EBF1: variants seen among roughly 807,000 people sequenced by gnomAD.
EBF1 encodes transcription factor COE1.
EBF1 carries 10 observed loss-of-function variants against 68.4 expected under a neutral mutation model. That is an observed-to-expected ratio of 0.15 (90% CI 0.09 to 0.25). The LOEUF (loss-of-function observed/expected upper bound fraction) is 0.25. Among genes scored for constraint, EBF1 ranks in the 10% least tolerant of loss-of-function variants. The pLI is 1.00. For missense variants in EBF1, 509 were observed against 794.4 expected, an observed-to-expected ratio of 0.64 and a Z score of 4.32; for synonymous variants, 298 against 299.8, an observed-to-expected ratio of 0.99 and a Z score of 0.06.
At chr5:158,719,484 A>C (rs1333585210) in intron 11 of EBF1, among the ~76,000 whole-genome samples, 2 of 152,210 alleles carry the variant, frequency 1.3e-5, no homozygotes, top group Admixed American at 1.3e-4. Flanking sequence ...ATGAGTTAAA[A>C]ATCTTAGGAT....
intron 6 of EBF1, among the ~76,000 whole-genome samples, chr5:158,946,510 C>T (rs961089804): frequency 1.3e-5 from 2 of 152,178 alleles, no homozygotes; most frequent in African/African-American, 4.8e-5. Flanking sequence ...GTATCACCAG[C>T]GGAGGCTGCA....
intron 6 of EBF1, among the ~76,000 whole-genome samples, chr5:159,001,181 A>C (rs1480157793): frequency 1.3e-5 from 2 of 152,212 alleles, no homozygotes; most frequent in African/African-American, 2.4e-5. Flanking sequence ...GTTTCAGAAC[A>C]TGGAGTTATT....
intron 6 of EBF1, among the ~76,000 whole-genome samples, chr5:158,853,543 G>A: frequency 6.6e-6 from 1 of 152,332 alleles, no homozygotes; most frequent in South Asian, 2.1e-4. Flanking sequence ...CACTGGAAAA[G>A]TGAGCTTTCA....
chr5:159,042,996 A>G (rs1317039033), intron 6 of EBF1, among the ~76,000 whole-genome samples: 1 of 152,190 alleles, frequency 6.6e-6, no homozygotes, highest in African/African-American at 2.4e-5. Flanking sequence ...CATAACTTAT[A>G]TTTTATCATA....
intron 6 of EBF1, among the ~76,000 whole-genome samples, chr5:159,007,997 T>C (rs1460311601): frequency 1.2e-4 from 18 of 152,212 alleles, no homozygotes; most frequent in Admixed American, 1.2e-3. Context: ...TGAACAATGA[T>C]CCATTTAATC....
intron 8 of EBF1, among the ~76,000 whole-genome samples, chr5:158,810,498 G>A (rs1325082975): frequency 6.6e-6 from 1 of 152,116 alleles, no homozygotes; most frequent in Non-Finnish European, 1.5e-5. Flanking sequence ...CAAGGACGAT[G>A]AAAGAAACTG....
intron 6 of EBF1, among the ~76,000 whole-genome samples, chr5:158,884,347 A>G (rs1291169311): frequency 1.3e-5 from 2 of 152,190 alleles, no homozygotes; most frequent in African/African-American, 4.8e-5. Flanking sequence ...TCTTTTGTAG[A>G]TGAGAAATAT....
intron 10 of EBF1, among the ~76,000 whole-genome samples, chr5:158,775,710 G>T (rs1275519504): frequency 1.3e-5 from 2 of 148,878 alleles, no homozygotes; most frequent in Non-Finnish European, 3.0e-5. Context: ...GTTTCAATTG[G>T]TCCTTTTCCT....
At chr5:158,733,848 C>T (rs1764621245) in intron 10 of EBF1, among the ~76,000 whole-genome samples, 1 of 152,058 alleles carries the variant, frequency 6.6e-6, no homozygotes, top group Non-Finnish European at 1.5e-5. Context: ...GTCCTAAATC[C>T]AAAGGAACCT....
intron 6 of EBF1, among the ~76,000 whole-genome samples, chr5:159,001,963 G>A (rs1019666997): frequency 6.6e-6 from 1 of 152,172 alleles, no homozygotes; most frequent in African/African-American, 2.4e-5. Flanking sequence ...GCACGCATGT[G>A]TGTATGTGTT....
intron 6 of EBF1, among the ~76,000 whole-genome samples, chr5:158,933,941 A>G (rs1235070707): frequency 1.3e-5 from 2 of 152,258 alleles, no homozygotes; most frequent in Non-Finnish European, 2.9e-5. Flanking sequence ...CGTTGATGTC[A>G]CAATGCTTTA....
At position 158,733,733 on chromosome 5, in the gene EBF1, C is replaced by T. The variant is rs146021019; in HGVS notation, c.1037-2576G>A. ...TTTATGATTTGCTGTCTGTTCATAG[C>T]TTTAAACAAGTTAACCTGCCCTCAA... On this transcript the variant is annotated intron_variant, in intron 10 of 15. Transcript: ENST00000313708. Among the ~76,000 whole-genome samples the T allele has an allele frequency of 5.7e-3, 870 of 152,230 alleles. 5 individuals are homozygous for T. Among genetic ancestry groups the T allele is most frequent in the African/African-American group, 0.02 (816 of 41,546 alleles).
Position 158,698,654 on chromosome 5 carries a change from CCTTT to C in EBF1, c.*453_*456del, listed in dbSNP as rs1756132255. On this transcript the variant is annotated 3_prime_UTR_variant, in exon 16 of 16. Coordinates refer to ENST00000313708, the MANE Select transcript of EBF1 (RefSeq NM_024007.5). Reference sequence around the variant, plus strand: ...GTCCCATACAAGCTTTTTTTTTTTTCCTTTTTTTCTTTTTTTTTTTTTTTACTTT... The same window carrying C: ...GTCCCATACAAGCTTTTTTTTTTTTCTTTTCTTTTTTTTTTTTTTTACTTT... The C allele has an allele frequency of 2.2e-5, 4 of 185,702 alleles. No homozygotes were observed. The highest frequency in any genetic ancestry group is 4.9e-5 in the African/African-American group (2 of 40,658). The allele number at this position is 185,702 out of a possible 1,614,324, so 11.5% of individuals were successfully genotyped here.
In EBF1 at chr5:158,712,239, C is replaced by G; in HGVS notation, c.1464G>C (p.Met488Ile). Residue 488 changes from methionine to isoleucine, a missense_variant, in exon 14 of 16, where the codon ATG (methionine) becomes ATC (isoleucine). By Grantham distance (10) the Met-to-Ile change is conservative. Coordinates refer to ENST00000313708, the MANE Select transcript of EBF1 (RefSeq NM_024007.5). ...QTNYNSVTTS[M>I]NGYGSAAMSN... ...ACATTGCGGCAGAGCCGTATCCGTTCATGCTCGTGGTGACGGAGTTATAGT... is the reference window on the plus strand; with the variant it reads ...ACATTGCGGCAGAGCCGTATCCGTTGATGCTCGTGGTGACGGAGTTATAGT... The G allele has an allele frequency of 6.2e-7, 1 of 1,613,984 alleles. No homozygotes were observed. The highest frequency in any genetic ancestry group is 1.1e-5 in the South Asian group (1 of 91,006).
chr5:159,010,729 G>A (rs1764484170), intron 6 of EBF1, among the ~76,000 whole-genome samples: 1 of 152,176 alleles, frequency 6.6e-6, no homozygotes, highest in Non-Finnish European at 1.5e-5. Flanking sequence ...GCTCCACAGG[G>A]AGTAGATCCA....
intron 7 of EBF1, among the ~76,000 whole-genome samples, chr5:158,824,240 GC>G (rs1220076756): frequency 6.6e-6 from 1 of 152,144 alleles, no homozygotes; most frequent in African/African-American, 2.4e-5. Flanking sequence ...ACAGCAATCA[GC>G]CCGCTCCCGT....
intron 6 of EBF1, among the ~76,000 whole-genome samples, chr5:158,944,947 G>A (rs567593689): frequency 6.6e-6 from 1 of 152,262 alleles, no homozygotes; most frequent in South Asian, 2.1e-4. Flanking sequence ...ATTTGTTTAA[G>A]TTCCATGTAG....
intron 4 of EBF1, among the ~76,000 whole-genome samples, chr5:159,090,807 G>GTAATAA (rs138049191): frequency 0.019 from 2,838 of 149,226 alleles, 66 homozygotes; most frequent in African/African-American, 0.054. Flanking sequence ...ACCCAATGGG[G>GTAATAA]TAATAATAAT....
rs1783268263 is a variant in EBF1 at position 159,099,556 on chromosome 5, GAAAAGA to G, written c.-84_-79del. On this transcript the variant is annotated 5_prime_UTR_variant, in exon 1 of 16. Transcript: ENST00000313708. ...AAAAAAAAAAAGGAAAGAAAAGAAA[GAAAAGA>G]AAAGAAACAAAAACGCCAACCAGAG... The G allele has an allele frequency of 7.8e-7, 1 of 1,278,916 alleles. No homozygotes were observed. Among genetic ancestry groups the G allele is most frequent in the East Asian group, 3.1e-5 (1 of 32,582 alleles). The allele number at this position is 1,278,916 out of a possible 1,614,324, so 79.2% of individuals were successfully genotyped here.
Sources: gnomAD v4.1 joint callset for allele counts (sites outside exome capture counted in the v4.1 genomes callset) on GRCh38, gnomAD v4.1.1 for gene constraint, MANE v1.5 for transcripts, NCBI Gene and HGNC (gene_info 2026-07-23, HGNC 2026-07-21) for gene names.